CFAP299: variants seen among roughly 807,000 people sequenced by gnomAD.
CFAP299 encodes cilia and flagella associated protein 299, also known as cilia- and flagella-associated protein 299.
In CFAP299, 21 loss-of-function variants were observed where a neutral mutation model predicts 27.0. The observed-to-expected ratio is 0.78, with a 90% CI of 0.55 to 1.12. The LOEUF (loss-of-function observed/expected upper bound fraction) is 1.12, where lower values mean the gene tolerates loss of function less well. Ranked by LOEUF, CFAP299 falls within the 50% of genes most tolerant of loss-of-function variation. The pLI is 0.00. For missense variants in CFAP299, 310 were observed against 276.6 expected (o/e 1.12, Z -0.86); for synonymous variants, 104 against 98.1 (o/e 1.06, Z -0.36).
intron 2 of CFAP299, among the ~76,000 whole-genome samples, chr4:80,462,301 C>T (rs985468166): frequency 1.3e-5 from 2 of 152,174 alleles, no homozygotes; most frequent in African/African-American, 4.8e-5. Context: ...ACTCCTCTAG[C>T]TCCTGCTGTA....
intron 2 of CFAP299, among the ~76,000 whole-genome samples, chr4:80,573,710 T>C (rs1218415534): frequency 6.6e-6 from 1 of 152,110 alleles, no homozygotes; most frequent in Non-Finnish European, 1.5e-5. Context: ...CACCATTTAT[T>C]GAAAACTCAT....
At chr4:80,427,432 T>G (rs1344021839) in intron 2 of CFAP299, among the ~76,000 whole-genome samples, 1 of 152,214 alleles carries the variant, frequency 6.6e-6, no homozygotes, top group Non-Finnish European at 1.5e-5. Context: ...TTTCTTACCT[T>G]TTAAAAGTAG....
intron 3 of CFAP299, among the ~76,000 whole-genome samples, chr4:80,677,675 C>T (rs922007099): frequency 6.6e-6 from 1 of 151,932 alleles, no homozygotes; most frequent in African/African-American, 2.4e-5. Flanking sequence ...TCATAAATAT[C>T]TAGTGCAAAC....
intron 2 of CFAP299, among the ~76,000 whole-genome samples, chr4:80,481,460 C>T (rs181745891): frequency 1.3e-3 from 203 of 152,166 alleles, no homozygotes; most frequent in Non-Finnish European, 2.1e-3. Context: ...TATTTTTAAA[C>T]TCTGTTGAAA....
chr4:80,365,064 A>G (rs536588674), intron 2 of CFAP299, among the ~76,000 whole-genome samples: 30 of 152,352 alleles, frequency 2.0e-4, no homozygotes, highest in African/African-American at 7.2e-4. Flanking sequence ...TGCAATGAAC[A>G]TGTACATGCA....
chr4:80,615,187 G>T (rs1738209423), intron 3 of CFAP299, among the ~76,000 whole-genome samples: 1 of 152,100 alleles, frequency 6.6e-6, no homozygotes, highest in African/African-American at 2.4e-5. Context: ...TTACTAGTCT[G>T]AGCAAATTAG....
intron 3 of CFAP299, among the ~76,000 whole-genome samples, chr4:80,731,778 G>T (rs1170852592): frequency 6.6e-6 from 1 of 151,960 alleles, no homozygotes; most frequent in African/African-American, 2.4e-5. Context: ...GCTATTCATG[G>T]TTTTTCTCAT....
intron 3 of CFAP299, among the ~76,000 whole-genome samples, chr4:80,609,895 A>G (rs1302667740): frequency 6.6e-6 from 1 of 152,070 alleles, no homozygotes. Flanking sequence ...CCTCAAAATG[A>G]TAGAGTGAAA....
At chr4:80,792,644 C>A (rs991850252) in intron 3 of CFAP299, among the ~76,000 whole-genome samples, 1 of 151,906 alleles carries the variant, frequency 6.6e-6, no homozygotes, top group African/African-American at 2.4e-5. Context: ...TAAATCATAC[C>A]TGGAATTTAT....
intron 2 of CFAP299, among the ~76,000 whole-genome samples, chr4:80,457,000 C>G (rs371538805): frequency 7.3e-6 from 1 of 137,220 alleles, no homozygotes; most frequent in Admixed American, 7.3e-5. Flanking sequence ...TTTTTTTTAA[C>G]GCAGATGTTT....
At chr4:80,737,138 G>C (rs1225949775) in intron 3 of CFAP299, among the ~76,000 whole-genome samples, 7 of 142,446 alleles carry the variant, frequency 4.9e-5, no homozygotes. Context: ...ACAGGAAGGG[G>C]AACATCACAC....
chr4:80,408,028 A>G (rs915408622), intron 2 of CFAP299, among the ~76,000 whole-genome samples: 2 of 152,286 alleles, frequency 1.3e-5, no homozygotes, highest in East Asian at 1.9e-4. Flanking sequence ...ATATACTACC[A>G]TAGAGTCTCA....
intron 2 of CFAP299, among the ~76,000 whole-genome samples, chr4:80,560,644 GA>G: frequency 6.6e-6 from 1 of 152,220 alleles, no homozygotes; most frequent in African/African-American, 2.4e-5. Context: ...AAGAGACCGT[GA>G]CCCTTAAGAG....
Position 80,777,057 on chromosome 4 carries a change from A to C in CFAP299, c.334-92936A>C, listed in dbSNP as rs193107871. Among the ~76,000 whole-genome samples, 702 of 151,980 alleles carry C rather than the reference A, an allele frequency of 4.6e-3. 1 individual carries two copies. Among genetic ancestry groups the C allele is most frequent in the Middle Eastern group, 0.01 (3 of 294 alleles). ...TGTCTACTCTTTTTATACACACTCA[A>C]ATTTGATTATTTATTGCTTCCTGAA... On this transcript the variant is annotated intron_variant, in intron 3 of 5. Transcript: ENST00000358105.
upstream of CFAP299, among the ~76,000 whole-genome samples, chr4:80,335,193 A>G (rs185303841): frequency 1.1e-3 from 162 of 152,344 alleles, 3 homozygotes; most frequent in African/African-American, 3.7e-3. Context: ...ACTTGGTGCC[A>G]AAAAAGGTCT....
At chr4:80,556,245 G>A (rs542792282) in intron 2 of CFAP299, among the ~76,000 whole-genome samples, 5 of 151,896 alleles carry the variant, frequency 3.3e-5, no homozygotes, top group East Asian at 1.9e-4. Context: ...AGTCCTTTTC[G>A]TGAACTCCTC....
chr4:80,385,920 ATC>A (rs1157069164), intron 2 of CFAP299, among the ~76,000 whole-genome samples: 5 of 152,220 alleles, frequency 3.3e-5, no homozygotes, highest in Non-Finnish European at 2.9e-5. Flanking sequence ...GGCTCCAGCC[ATC>A]TCTCTCTTGC....
intron 2 of CFAP299, among the ~76,000 whole-genome samples, chr4:80,578,991 T>TC (rs1287300677): frequency 6.6e-6 from 1 of 152,172 alleles, no homozygotes; most frequent in African/African-American, 2.4e-5. Context: ...TGAACAAATT[T>TC]CAAATGGTCA....
At chr4:80,552,767 A>G (rs1198118958) in intron 2 of CFAP299, among the ~76,000 whole-genome samples, 2 of 152,132 alleles carry the variant, frequency 1.3e-5, no homozygotes, top group African/African-American at 2.4e-5. Flanking sequence ...AGCTTACTGC[A>G]GCCTCATACT....
Sources: allele counts gnomAD v4.1 joint callset (sites outside exome capture counted in the v4.1 genomes callset), GRCh38; gene constraint gnomAD v4.1.1; transcripts MANE v1.5; gene names NCBI Gene and HGNC (gene_info 2026-07-23, HGNC 2026-07-21).